The following KMT2C variants were observed in gnomAD, a reference collection of about 807,000 sequenced individuals.
KMT2C encodes histone-lysine N-methyltransferase 2C.
KMT2C carries 88 observed loss-of-function variants against 507.9 expected under a neutral mutation model. That is an observed-to-expected ratio of 0.17 (90% CI 0.15 to 0.21). The LOEUF is 0.21. KMT2C is among the 10% of genes least tolerant of loss of function. The pLI, the probability that KMT2C is intolerant of heterozygous loss-of-function variation, is 1.00. For missense variants in KMT2C, 4,954 were observed against 5,957.8 expected, an observed-to-expected ratio of 0.83 and a Z score of 5.55; for synonymous variants, 2,049 against 2,080.8, an observed-to-expected ratio of 0.98 and a Z score of 0.42.
chr7:152,223,773 C>T (rs1368922557), intron 20 of KMT2C, among the ~76,000 whole-genome samples: 1 of 152,032 alleles, frequency 6.6e-6, no homozygotes, highest in Non-Finnish European at 1.5e-5. Context: ...GCACTCCAGC[C>T]TGGTGACAGA....
At position 152,181,361 on chromosome 7, in the gene KMT2C, G is replaced by A. The variant is rs367881455; in HGVS notation, c.6499C>T (p.Arg2167Trp). The A allele has an allele frequency of 3.7e-5, 59 of 1,613,976 alleles. No homozygotes were observed. The highest frequency in any genetic ancestry group is 1.6e-4 in the South Asian group (15 of 91,056). Residue 2167 changes from arginine to tryptophan, a missense_variant, in exon 36 of 59, where the codon CGG (arginine) becomes TGG (tryptophan). Transcript: ENST00000262189. ...CTATATGGGTCAACAGTAGTAGGCC[G>A]GGGAGTTCCAGGAGGTTGAGAGTAA... The part of the protein sequence containing the change: ...DPYSQPPGTP[R>W]PTTVDPYSQQ...
Position 152,135,495 on chromosome 7 carries a change from A to G in KMT2C, c.*1337T>C, listed in dbSNP as rs2089801803. Reference sequence around the variant, plus strand: ...CTATTGCCAGAGTCCTGCAGCTGTAAGCATAATCACATCTCCTTTTTTTTT... The same window carrying G: ...CTATTGCCAGAGTCCTGCAGCTGTAGGCATAATCACATCTCCTTTTTTTTT... On this transcript the variant is annotated 3_prime_UTR_variant, in exon 59 of 59. Transcript: ENST00000262189. The G allele has an allele frequency of 4.5e-6, 1 of 224,332 alleles. No individual in the cohort carries two copies. The highest frequency in any genetic ancestry group is 8.9e-6 in the Non-Finnish European group (1 of 112,156). The allele number at this position is 224,332 out of a possible 1,614,324, so 13.9% of individuals were successfully genotyped here. A position where few individuals can be genotyped will look rare whatever the true frequency, so the allele number is the denominator to read the frequency against.
chr7:152,322,777 GA>G (rs1021009591), intron 3 of KMT2C, among the ~76,000 whole-genome samples: 1 of 151,882 alleles, frequency 6.6e-6, no homozygotes, highest in African/African-American at 2.4e-5. Flanking sequence ...CAGAATGGGA[GA>G]AAATATTTAA....
At chr7:152,211,623 T>C (rs1182168892) in intron 23 of KMT2C, among the ~76,000 whole-genome samples, 1 of 152,220 alleles carries the variant, frequency 6.6e-6, no homozygotes, top group African/African-American at 2.4e-5. Context: ...CCAGTAAGCA[T>C]ACATGTTGAG....
At chr7:152,240,447 C>A (rs1226048333) in intron 14 of KMT2C, among the ~76,000 whole-genome samples, 28 of 152,254 alleles carry the variant, frequency 1.8e-4, no homozygotes, top group African/African-American at 6.3e-4. Context: ...TGGAGTTTCC[C>A]AGGGCTTGAG....
At chr7:152,354,028 T>C (rs907625868) in intron 2 of KMT2C, among the ~76,000 whole-genome samples, 2 of 152,194 alleles carry the variant, frequency 1.3e-5, no homozygotes, top group Non-Finnish European at 2.9e-5. Context: ...CTGTTCTCCT[T>C]GCCCTATGTT....
intron 6 of KMT2C, among the ~76,000 whole-genome samples, chr7:152,278,964 T>G (rs1368334626): frequency 3.3e-5 from 5 of 152,402 alleles, no homozygotes; most frequent in Admixed American, 3.3e-4. Context: ...AACAGACACA[T>G]AAAATACACA....
At chr7:152,247,726 C>T (rs1182348837) in intron 14 of KMT2C, among the ~76,000 whole-genome samples, 176 bp downstream of exon 14, 3 of 152,280 alleles carry the variant, frequency 2.0e-5, no homozygotes, top group African/African-American at 7.2e-5. Flanking sequence ...TAATAAATGG[C>T]ATTCTTCATT....
chr7:152,295,969 G>C (rs554112471), intron 6 of KMT2C, among the ~76,000 whole-genome samples: 1 of 150,538 alleles, frequency 6.6e-6, no homozygotes, highest in Non-Finnish European at 1.5e-5. Context: ...TCGGGAGGCT[G>C]AGGCAGGAGA....
At chr7:152,402,976 A>G (rs2097582170) in intron 1 of KMT2C, 9 of 151,114 alleles carry the variant, frequency 6.0e-5, no homozygotes, top group Non-Finnish European at 1.0e-4. Flanking sequence ...AAGACATACA[A>G]ACAGTCAACA....
intron 23 of KMT2C, among the ~76,000 whole-genome samples, chr7:152,217,888 A>T (rs1481059276): frequency 6.6e-6 from 1 of 152,190 alleles, no homozygotes. Context: ...TGTGAAATGG[A>T]GCACTTCCCA....
At chr7:152,390,913 G>A (rs35388529) in intron 1 of KMT2C, among the ~76,000 whole-genome samples, 421 of 152,094 alleles carry the variant, frequency 2.8e-3, no homozygotes, top group Non-Finnish European at 4.9e-3. Context: ...TTGGGAGGCC[G>A]AGGCAGATGG....
At chr7:152,355,434 T>C (rs747342520) in intron 2 of KMT2C, among the ~76,000 whole-genome samples, 2 of 151,976 alleles carry the variant, frequency 1.3e-5, no homozygotes, top group Non-Finnish European at 2.9e-5. Context: ...AGCATTTAGA[T>C]AACATAATAA....
intron 26 of KMT2C, among the ~76,000 whole-genome samples, chr7:152,200,846 T>C (rs539454501): frequency 5.9e-5 from 9 of 152,214 alleles, no homozygotes; most frequent in Admixed American, 3.3e-4. Context: ...AGAAAAGAGA[T>C]TGGGAGTGTG....
intron 16 of KMT2C, among the ~76,000 whole-genome samples, chr7:152,234,393 A>AG (rs2129154284): frequency 6.6e-6 from 1 of 152,190 alleles, no homozygotes; most frequent in East Asian, 1.9e-4. Flanking sequence ...AAAAGAAAGA[A>AG]GAAAAAAAAA....
In KMT2C at chr7:152,431,561, G is replaced by A. The variant is rs538462577; in HGVS notation, c.161+4065C>T. Among the ~76,000 whole-genome samples, 3 of 149,444 alleles carry A rather than the reference G, an allele frequency of 2.0e-5. No homozygotes were observed. The East Asian group carries it at 5.9e-4, about 29-fold the overall frequency. ...GCGGAAGTTGCAGCGAGCCAAGATCGCACCACTGCACTCCAGCCTGGGCGG... is the reference window on the plus strand; with the variant it reads ...GCGGAAGTTGCAGCGAGCCAAGATCACACCACTGCACTCCAGCCTGGGCGG... On this transcript the variant is annotated intron_variant, in intron 1 of 58. Transcript: ENST00000262189.
chr7:152,411,009 A>T (rs11973694), intron 1 of KMT2C, among the ~76,000 whole-genome samples: 34,903 of 148,528 alleles, frequency 0.23, 4,791 homozygotes, highest in African/African-American at 0.39. Context: ...TCTCAAAAAA[A>T]ATATATATAT....
At chr7:152,140,727 C>G (rs555865649) in intron 55 of KMT2C, among the ~76,000 whole-genome samples, 127 of 152,220 alleles carry the variant, frequency 8.3e-4, no homozygotes, top group Middle Eastern at 3.4e-3. Context: ...ATGTGCTGCC[C>G]CAGCTGCATC....
rs141718495 is a variant in KMT2C, at chr7:152,152,788, G to A, written c.12443C>T (p.Pro4148Leu). 66 of 1,614,148 alleles carry A rather than the reference G, an allele frequency of 4.1e-5. No homozygotes were observed. Among genetic ancestry groups the A allele is most frequent in the Middle Eastern group, 3.3e-4 (2 of 6,062 alleles). The change falls in exon 49 of 59, where the codon CCG (proline) becomes CTG (leucine). Residue 4148 changes from proline (P) to leucine (L), a missense_variant. Pro to Leu is a moderately conservative substitution (Grantham distance 98). This residue lies in a region of KMT2C where 417 missense variants were observed against 461.1 expected (regional missense o/e 0.90). Transcript: ENST00000262189. ...YRQHLLLRGP[P>L]PGSANPPRLV... is the part of the protein sequence containing the mutation. ...TCTGGGAGGGTTTGCAGATCCTGGCGGAGGCCCACGGAGAAGTAAATGCTG... is the reference window on the plus strand; with the variant it reads ...TCTGGGAGGGTTTGCAGATCCTGGCAGAGGCCCACGGAGAAGTAAATGCTG...
Sources: gnomAD v4.1 joint callset for allele counts (sites outside exome capture counted in the v4.1 genomes callset) on GRCh38, gnomAD v4.1.1 for gene constraint, gnomAD v4.1.1 regional missense constraint, MANE v1.5 for transcripts, NCBI Gene and HGNC (gene_info 2026-07-23, HGNC 2026-07-21) for gene names.